Variants in KIF4A observed in about 807,000 individuals in gnomAD.
KIF4A encodes the protein chromosome-associated kinesin KIF4A.
KIF4A carries 7 observed loss-of-function variants against 105.9 expected under a neutral mutation model. The ratio of observed to expected loss-of-function variants is 0.07; its 90% CI spans 0.04 to 0.12. The LOEUF is 0.12. Among genes scored for constraint, KIF4A ranks in the 10% least tolerant of loss-of-function variants. The pLI is 1.00. For missense variants in KIF4A, 558 were observed against 929.2 expected, an observed-to-expected ratio of 0.60 and a Z score of 5.19; for synonymous variants, 281 against 331.3, an observed-to-expected ratio of 0.85 and a Z score of 1.65.
At chrX:70,372,513 C>T (rs1332345493) in intron 15 of KIF4A, among the ~76,000 whole-genome samples, 1 of 114,205 alleles carries the variant, frequency 8.8e-6, no homozygotes, top group African/African-American at 3.2e-5. Flanking sequence ...CGTGGTGGCG[C>T]GCGCCTGCAA....
At position 70,365,379 on chromosome X, in the gene KIF4A, T is replaced by C. The variant is rs766958621; in HGVS notation, c.1675-8772T>C. 7.2e-5 allele frequency among the ~76,000 whole-genome samples: 8 copies of C among 111,723 alleles called. No individual in the cohort carries two copies. The South Asian group carries it at 3.0e-3, about 42-fold the overall frequency. On this transcript the variant is annotated intron_variant, in intron 15 of 30. Coordinates refer to ENST00000374403, the MANE Select transcript of KIF4A (RefSeq NM_012310.5). ...ATTCAGTATGATATTGGCTGTGGGT[T>C]TGTCATAGATAGTTCTTATTATTTT... is the stretch of plus-strand genomic sequence containing the variant.
intron 7 of KIF4A, among the ~76,000 whole-genome samples, chrX:70,307,110 C>T (rs1054570804): frequency 2.7e-5 from 3 of 110,620 alleles, no homozygotes; most frequent in South Asian, 3.9e-4. Flanking sequence ...TAGGCATGAG[C>T]GACTGTGCTT....
rs1406557051 is a variant in KIF4A, at chrX:70,304,217, A to T, written c.778+1819A>T. On this transcript the variant is annotated intron_variant, in intron 7 of 30. Coordinates refer to ENST00000374403, the MANE Select transcript of KIF4A (RefSeq NM_012310.5). ...TGGTTTTTTGTCCTTGCGATAGTTTACTGAGAATGATGATTTCCAATTTCA... is the reference window on the plus strand; with the variant it reads ...TGGTTTTTTGTCCTTGCGATAGTTTTCTGAGAATGATGATTTCCAATTTCA... Among the ~76,000 whole-genome samples the T allele has an allele frequency of 3.0e-3, 306 of 101,773 alleles. 2 individuals carry two copies. The highest frequency in any genetic ancestry group is 0.011 in the African/African-American group (297 of 27,802). 88.4% of individuals were successfully genotyped at this position (101,773 alleles called of 115,157 possible).
chrX:70,326,924 T>C (rs2085913185), intron 7 of KIF4A, among the ~76,000 whole-genome samples: 1 of 112,316 alleles, frequency 8.9e-6, no homozygotes, highest in African/African-American at 3.2e-5. Flanking sequence ...TATCCTTAAG[T>C]CTATGGTTCT....
At chrX:70,346,517 C>A (rs2085993381) in intron 13 of KIF4A, among the ~76,000 whole-genome samples, 1 of 111,922 alleles carries the variant, frequency 8.9e-6, no homozygotes, top group African/African-American at 3.2e-5. Flanking sequence ...AATAAAGCAT[C>A]CTCAGTGAGA....
chrX:70,408,016 C>T (rs866899085), intron 28 of KIF4A, among the ~76,000 whole-genome samples: 147 of 108,421 alleles, frequency 1.4e-3, no homozygotes, highest in African/African-American at 4.4e-3. Context: ...TGCAGTGAGC[C>T]GAGATCATGC....
At chrX:70,386,941 A>T (rs1311068300) in intron 19 of KIF4A, among the ~76,000 whole-genome samples, 2 of 111,467 alleles carry the variant, frequency 1.8e-5, no homozygotes, top group African/African-American at 6.5e-5. Context: ...TCCTGAAAAA[A>T]CAAAGTGATA....
At position 70,387,189 on chromosome X, in the gene KIF4A, A is replaced by G. The variant is rs766423312; in HGVS notation, c.2124A>G (p.Ala708=). 3.5e-6 allele frequency: 4 copies of G among 1,154,466 alleles called. No homozygotes were observed. Among genetic ancestry groups the G allele is most frequent in the Non-Finnish European group, 4.7e-6 (4 of 858,132 alleles). ...TATGTGCCAATTTTATTTAGGCAGC[A>G]GCTGCCAACAAGCGTCTCAAGGATG... is the stretch of plus-strand genomic sequence containing the variant. ...NVLRRKTEEA[A]AANKRLKDAL... The change falls in exon 20 of 31, where the codon GCA becomes GCG. Residue 708 remains alanine, a synonymous_variant. Coordinates refer to ENST00000374403, the MANE Select transcript of KIF4A (RefSeq NM_012310.5).
intron 29 of KIF4A, among the ~76,000 whole-genome samples, chrX:70,418,436 G>A (rs998469061): frequency 1.8e-5 from 2 of 111,557 alleles, no homozygotes; most frequent in African/African-American, 6.5e-5. Context: ...CGAGACATTC[G>A]TTACCTAGAC....
Position 70,386,667 on chromosome X carries a change from A to C in KIF4A, c.2084A>C (p.Lys695Thr). 8.3e-7 allele frequency: 1 copy of C among 1,209,543 alleles called. No individual in the cohort carries two copies. The highest frequency in any genetic ancestry group is 1.1e-6 in the Non-Finnish European group (1 of 893,350). ...CTGAAACTTGAAAGAAACTTCCAGAAACAATCCAATGTGCTCAGACGTAAA... is the reference window on the plus strand; with the variant it reads ...CTGAAACTTGAAAGAAACTTCCAGACACAATCCAATGTGCTCAGACGTAAA... The part of the protein sequence containing the change: ...ELLKLERNFQ[K>T]QSNVLRRKTE... The change falls in exon 19 of 31, where the codon AAA becomes ACA. Residue 695 changes from lysine (K) to threonine (T), a missense_variant. Physicochemically the swap from Lys to Thr is moderately conservative, Grantham distance 78. Around this residue, in one of 2 missense-constraint regions of KIF4A, gnomAD observed 469 missense variants for 680.4 expected, o/e 0.69. Coordinates refer to ENST00000374403, the MANE Select transcript of KIF4A (RefSeq NM_012310.5).
intron 7 of KIF4A, among the ~76,000 whole-genome samples, chrX:70,324,179 T>G (rs1421196611): frequency 8.9e-6 from 1 of 112,049 alleles, no homozygotes; most frequent in Non-Finnish European, 1.9e-5. Context: ...TTTAAGTGTG[T>G]ATTAGCTGGG....
chrX:70,329,635 CTAAT>C (rs1356836059), intron 8 of KIF4A, 114 bp downstream of exon 8: 2 of 550,740 alleles, frequency 3.6e-6, no homozygotes, highest in African/African-American at 4.6e-5. Context: ...ACACAGTTGT[CTAAT>C]TGATAAATAC....
At chrX:70,298,379 G>A (rs750266992) in intron 4 of KIF4A, among the ~76,000 whole-genome samples, 54 of 109,703 alleles carry the variant, frequency 4.9e-4, no homozygotes, top group African/African-American at 1.7e-3. Context: ...GACTACAAGC[G>A]TGTGCCACTT....
intron 7 of KIF4A, among the ~76,000 whole-genome samples, chrX:70,317,970 T>C (rs2085876462): frequency 9.2e-6 from 1 of 108,992 alleles, no homozygotes; most frequent in Non-Finnish European, 1.9e-5. Context: ...CTCTGCCTCC[T>C]GGGTTCAAGT....
intron 15 of KIF4A, chrX:70,362,521 A>T (rs1261930128): frequency 1.6e-5 from 2 of 123,781 alleles, no homozygotes; most frequent in Non-Finnish European, 3.3e-5. Flanking sequence ...AATATGCTTG[A>T]TTAACTTAAG....
intron 15 of KIF4A, among the ~76,000 whole-genome samples, chrX:70,359,807 A>T (rs2086067328): frequency 9.0e-6 from 1 of 111,583 alleles, no homozygotes; most frequent in Non-Finnish European, 1.9e-5. Context: ...GGAGGGTAGG[A>T]CATGGCTTTT....
chrX:70,351,361 C>T (rs1240507925), intron 13 of KIF4A, among the ~76,000 whole-genome samples: 1 of 112,389 alleles, frequency 8.9e-6, no homozygotes, highest in Non-Finnish European at 1.9e-5. Flanking sequence ...CATGTGTACA[C>T]ATTATTTAGT....
chrX:70,302,374 G>A lies in KIF4A; in HGVS notation c.754G>A (p.Ala252Thr). The A allele has an allele frequency of 8.3e-7, 1 of 1,211,664 alleles. No individual in the cohort carries two copies. Among genetic ancestry groups the A allele is most frequent in the East Asian group, 3.0e-5 (1 of 33,855 alleles). The change falls in exon 7 of 31, where the codon GCT (alanine) becomes ACT (threonine). Residue 252 changes from alanine to threonine, a missense_variant. Transcript: ENST00000374403. ...AGSERQKKTK[A>T]EGDRLKEGIN... ...ATCAGAAAGACAGAAGAAAACCAAG[G>A]CTGAAGGGGATCGTCTAAAAGAGGG...
intron 22 of KIF4A, among the ~76,000 whole-genome samples, chrX:70,401,077 T>C (rs2086279868): frequency 1.0e-5 from 1 of 100,255 alleles, no homozygotes; most frequent in South Asian, 4.4e-4. Flanking sequence ...AATAGGTTTA[T>C]GATTTTTTTT....
Sources: allele counts gnomAD v4.1 joint callset (sites outside exome capture counted in the v4.1 genomes callset), GRCh38; gene constraint gnomAD v4.1.1; regional missense constraint gnomAD v4.1.1; transcripts MANE v1.5; gene names NCBI Gene and HGNC (gene_info 2026-07-23, HGNC 2026-07-21).